Variants in CDC14A observed in about 807,000 individuals in gnomAD.
The protein encoded by CDC14A is dual specificity protein phosphatase CDC14A.
CDC14A carries 53 observed loss-of-function variants against 74.4 expected under a neutral mutation model. That is an observed-to-expected ratio of 0.71 (90% CI 0.57 to 0.89). The LOEUF (loss-of-function observed/expected upper bound fraction) is 0.89, where lower values mean the gene tolerates loss of function less well. Ranked by LOEUF, CDC14A falls within the 40% of genes least tolerant of loss-of-function variation. The probability of loss-of-function intolerance (pLI) is 0.00; values close to 1 mark genes in which losing one functional copy is unlikely to be tolerated. For synonymous variants in CDC14A, 247 were observed against 258.4 expected, an observed-to-expected ratio of 0.96 and a Z score of 0.43; for missense variants, 646 against 713.7, an observed-to-expected ratio of 0.91 and a Z score of 1.08.
In CDC14A at chr1:100,496,311, A is replaced by AG. The variant is rs112236843; in HGVS notation, c.1298+268dup. ...ATTTTGTGCTCTTAGCACATTGTGGAGGGGGGTCTCTAAGAAACTACAGGT... is the reference window on the plus strand; with the variant it reads ...ATTTTGTGCTCTTAGCACATTGTGGAGGGGGGGTCTCTAAGAAACTACAGGT... On this transcript the variant is annotated intron_variant, in intron 13 of 15. Coordinates refer to ENST00000336454, the MANE Select transcript of CDC14A (RefSeq NM_003672.4). Among the ~76,000 whole-genome samples, 3,155 of 150,796 alleles carry AG rather than the reference A, an allele frequency of 0.021. 112 individuals are homozygous for AG. Among genetic ancestry groups the AG allele is most frequent in the African/African-American group, 0.073 (2,970 of 40,920 alleles).
intron 3 of CDC14A, among the ~76,000 whole-genome samples, chr1:100,384,512 A>G (rs1350618443): frequency 6.6e-6 from 1 of 152,196 alleles, no homozygotes; most frequent in Non-Finnish European, 1.5e-5. Flanking sequence ...TTTGCATTAA[A>G]TATTCATTAG....
intron 7 of CDC14A, among the ~76,000 whole-genome samples, chr1:100,455,007 T>TATA (rs1172859484): frequency 6.6e-6 from 1 of 152,212 alleles, no homozygotes; most frequent in African/African-American, 2.4e-5. Context: ...GCTTGATATT[T>TATA]ACAGATGTTT....
At chr1:100,400,933 C>G (rs1291168297) in intron 4 of CDC14A, among the ~76,000 whole-genome samples, 1 of 151,954 alleles carries the variant, frequency 6.6e-6, no homozygotes, top group Non-Finnish European at 1.5e-5. Flanking sequence ...AATAAGCTCT[C>G]AAATTTATAT....
chr1:100,396,254 C>T (rs371172181), intron 4 of CDC14A, among the ~76,000 whole-genome samples: 1 of 152,024 alleles, frequency 6.6e-6, no homozygotes, highest in African/African-American at 2.4e-5. Context: ...AGGGGGTGGG[C>T]GTGGGTCCCA....
At chr1:100,452,451 C>T (rs935605325) in intron 7 of CDC14A, among the ~76,000 whole-genome samples, 19 of 152,138 alleles carry the variant, frequency 1.2e-4, no homozygotes, top group Admixed American at 6.6e-4. Flanking sequence ...GCAGAGGTTG[C>T]AGTGAGCTGA....
At chr1:100,385,029 A>G (rs897255084) in intron 3 of CDC14A, among the ~76,000 whole-genome samples, 36 of 152,358 alleles carry the variant, frequency 2.4e-4, no homozygotes, top group Non-Finnish European at 1.9e-4. Context: ...GGAATGCATG[A>G]ATTTACAAAT....
Position 100,435,556 on chromosome 1 carries a change from C to T in CDC14A, c.390-4376C>T, listed in dbSNP as rs182230183. ...TTAAAAAGGAAGATGAGACTGGGCG[C>T]GGTGGCTCACGCCTGTAATCCCAGC... is the stretch of plus-strand genomic sequence containing the variant. On this transcript the variant is annotated intron_variant, in intron 5 of 15. Transcript: ENST00000336454. Among the ~76,000 whole-genome samples the T allele has an allele frequency of 3.5e-4, 54 of 152,196 alleles. No individual in the cohort carries two copies. In the East Asian group the frequency reaches 9.1e-3, roughly 26 times the overall value.
At chr1:100,384,012 C>T (rs558807959) in intron 3 of CDC14A, among the ~76,000 whole-genome samples, 1 of 152,164 alleles carries the variant, frequency 6.6e-6, no homozygotes, top group South Asian at 2.1e-4. Flanking sequence ...TGTTTGTTGC[C>T]ATAATCCAAG....
chr1:100,412,589 A>AG (rs1169325646), intron 4 of CDC14A, among the ~76,000 whole-genome samples: 1 of 146,380 alleles, frequency 6.8e-6, no homozygotes, highest in African/African-American at 2.6e-5. Context: ...GCCAGGGTGA[A>AG]GGGGGGCTGT....
chr1:100,513,158 A>T (rs12047007), intron 15 of CDC14A, among the ~76,000 whole-genome samples: 42,309 of 152,146 alleles, frequency 0.28, 7,245 homozygotes, highest in Non-Finnish European at 0.37. Flanking sequence ...CAAAAACTGG[A>T]AACTCTATTA....
At chr1:100,409,436 T>C (rs1660378567) in intron 4 of CDC14A, among the ~76,000 whole-genome samples, 1 of 152,170 alleles carries the variant, frequency 6.6e-6, no homozygotes, top group African/African-American at 2.4e-5. Context: ...CATTTCAGCA[T>C]TAACTCGAAA....
chr1:100,437,431 C>T (rs903880172), intron 5 of CDC14A, among the ~76,000 whole-genome samples: 6 of 152,112 alleles, frequency 3.9e-5, no homozygotes, highest in African/African-American at 7.2e-5. Context: ...GGATTAAATG[C>T]GCTATGCATA....
chr1:100,375,837 A>G (rs1011124397), intron 2 of CDC14A, among the ~76,000 whole-genome samples: 1 of 152,210 alleles, frequency 6.6e-6, no homozygotes, highest in Non-Finnish European at 1.5e-5. Flanking sequence ...TGCTATAAAG[A>G]CACATTCACA....
At chr1:100,504,792 C>G in intron 15 of CDC14A, 1 of 1,525,992 alleles carries the variant, frequency 6.6e-7, no homozygotes, top group Non-Finnish European at 8.8e-7. Context: ...CTTGCTTATT[C>G]TCTTGTTTTC....
chr1:100,482,041 A>G (rs1442627399), intron 10 of CDC14A, among the ~76,000 whole-genome samples: 2 of 152,184 alleles, frequency 1.3e-5, no homozygotes, highest in South Asian at 2.1e-4. Context: ...CTGACACCTT[A>G]TTCATCTTTA....
intron 7 of CDC14A, among the ~76,000 whole-genome samples, chr1:100,445,051 T>C (rs529334767): frequency 6.6e-5 from 10 of 152,334 alleles, no homozygotes; most frequent in African/African-American, 2.4e-4. Flanking sequence ...GAAGGTCAGA[T>C]AACTTGTAGT....
chr1:100,449,726 T>C (rs1665938351), intron 7 of CDC14A, among the ~76,000 whole-genome samples: 1 of 152,216 alleles, frequency 6.6e-6, no homozygotes, highest in Admixed American at 6.5e-5. Context: ...TCTTCTTTGT[T>C]TGAATAAGTA....
At chr1:100,471,290 C>T (rs532491907) in intron 10 of CDC14A, among the ~76,000 whole-genome samples, 1 of 152,224 alleles carries the variant, frequency 6.6e-6, no homozygotes, top group African/African-American at 2.4e-5. Flanking sequence ...CCCAAAAAAG[C>T]ATGACAGAAC....
chr1:100,443,586 C>T (rs964852010), intron 7 of CDC14A, among the ~76,000 whole-genome samples: 23 of 151,960 alleles, frequency 1.5e-4, no homozygotes, highest in Admixed American at 1.3e-4. Flanking sequence ...CCTCTTGCCT[C>T]GGCCTCCCAA....
Sources: allele counts gnomAD v4.1 joint callset (sites outside exome capture counted in the v4.1 genomes callset), GRCh38; gene constraint gnomAD v4.1.1; transcripts MANE v1.5; gene names NCBI Gene and HGNC (gene_info 2026-07-23, HGNC 2026-07-21).